The following BCL2L13 variants were observed in gnomAD, a reference collection of about 807,000 sequenced individuals.
BCL2L13 encodes the protein bcl-2-like protein 13.
BCL2L13 carries 13 observed loss-of-function variants against 25.8 expected under a neutral mutation model. The ratio of observed to expected loss-of-function variants is 0.50; its 90% CI spans 0.33 to 0.80. BCL2L13 has a LOEUF of 0.80. Among genes scored for constraint, BCL2L13 ranks in the 30% least tolerant of loss-of-function variants. The probability of loss-of-function intolerance (pLI) is 0.02; values close to 1 mark genes in which losing one functional copy is unlikely to be tolerated. For synonymous variants in BCL2L13, 244 were observed against 230.3 expected (o/e 1.06, Z -0.54); for missense variants, 504 against 574.9 (o/e 0.88, Z 1.26).
At chr22:17,690,626 G>A (rs1050006280) in intron 4 of BCL2L13, among the ~76,000 whole-genome samples, 5 of 152,108 alleles carry the variant, frequency 3.3e-5, no homozygotes, top group Non-Finnish European at 5.9e-5. Context: ...TAGCCAGTGT[G>A]ATGGCATGTT....
intron 5 of BCL2L13, among the ~76,000 whole-genome samples, chr22:17,700,058 A>G (rs1043364212): frequency 2.0e-5 from 3 of 152,134 alleles, no homozygotes; most frequent in African/African-American, 7.2e-5. Flanking sequence ...CATAGCATGT[A>G]CCACCAAGAA....
At chr22:17,665,625 G>A (rs55917257) in intron 2 of BCL2L13, among the ~76,000 whole-genome samples, 2,262 of 152,144 alleles carry the variant, frequency 0.015, 57 homozygotes, top group African/African-American at 0.05. Flanking sequence ...ATTTGGGTTG[G>A]GACACAGCCA....
intron 3 of BCL2L13, among the ~76,000 whole-genome samples, chr22:17,685,338 G>T (rs748601173): frequency 5.9e-5 from 9 of 152,084 alleles, no homozygotes; most frequent in Non-Finnish European, 1.2e-4. Context: ...CAATTCTCCA[G>T]CCTCAGCCTC....
At chr22:17,677,235 C>T (rs918671043) in intron 2 of BCL2L13, among the ~76,000 whole-genome samples, 8 of 152,246 alleles carry the variant, frequency 5.3e-5, no homozygotes, top group African/African-American at 1.4e-4. Flanking sequence ...TGTTTTATGT[C>T]GCTTAAAGCC....
intron 6 of BCL2L13, among the ~76,000 whole-genome samples, chr22:17,724,341 TA>T (rs369232412): frequency 1.8e-3 from 279 of 152,316 alleles, no homozygotes; most frequent in African/African-American, 6.5e-3. Flanking sequence ...AATTGAAGTC[TA>T]AAAGTTTAAG....
chr22:17,677,205 GTCTCA>G (rs754731300), intron 2 of BCL2L13, among the ~76,000 whole-genome samples: 8 of 152,120 alleles, frequency 5.3e-5, no homozygotes, highest in Non-Finnish European at 7.4e-5. Context: ...ATTTTGGTTA[GTCTCA>G]TCTCATAAGG....
chr22:17,709,536 A>G (rs530692992), intron 6 of BCL2L13, among the ~76,000 whole-genome samples: 2 of 152,266 alleles, frequency 1.3e-5, no homozygotes, highest in South Asian at 4.1e-4. Flanking sequence ...CGGAGGTTGC[A>G]GTGAACCAGG....
intron 2 of BCL2L13, among the ~76,000 whole-genome samples, chr22:17,669,107 A>G (rs2059336638): frequency 2.2e-5 from 3 of 134,648 alleles, no homozygotes; most frequent in Non-Finnish European, 3.0e-5. Context: ...ATCTCAGCTC[A>G]CTGCAAGCTC....
chr22:17,688,504 C>T (rs1274598330), intron 3 of BCL2L13, among the ~76,000 whole-genome samples: 1 of 152,102 alleles, frequency 6.6e-6, no homozygotes, highest in African/African-American at 2.4e-5. Context: ...CATTATTATA[C>T]TTGTTGGTCA....
chr22:17,673,115 G>A (rs2059464909), intron 2 of BCL2L13, among the ~76,000 whole-genome samples: 1 of 152,062 alleles, frequency 6.6e-6, no homozygotes, highest in Non-Finnish European at 1.5e-5. Flanking sequence ...TATTCTTTAT[G>A]TAATGAGGAT....
chr22:17,635,917 G>A (rs1249951328), upstream of BCL2L13, among the ~76,000 whole-genome samples: 1 of 151,624 alleles, frequency 6.6e-6, no homozygotes, highest in Non-Finnish European at 1.5e-5. Context: ...CACTGTGTTG[G>A]CCAGGATGGT....
Position 17,728,383 on chromosome 22 carries a change from C to T in BCL2L13, c.*849C>T, listed in dbSNP as rs957649458. On this transcript the variant is annotated 3_prime_UTR_variant, in exon 7 of 7. Transcript: ENST00000317582. ...GGGTCCCCACTTGTGAGTGCAACTG[C>T]AAGTAACTCTGGCTAGAGAGACACA... 2.6e-5 allele frequency: 4 copies of T among 152,236 alleles called. No homozygotes were observed. The highest frequency in any genetic ancestry group is 5.9e-5 in the Non-Finnish European group (4 of 68,060). 9.4% of individuals were successfully genotyped at this position (152,236 alleles called of 1,614,324 possible). A position where few individuals can be genotyped will look rare whatever the true frequency, so the allele number is the denominator to read the frequency against.
At chr22:17,629,814 T>TAC in intron 1 of BCL2L13, among the ~76,000 whole-genome samples, 1 of 118,138 alleles carries the variant, frequency 8.5e-6, no homozygotes, top group African/African-American at 4.3e-5. Context: ...ACACTTTATT[T>TAC]TCATACACAC....
rs1207528341 is a variant in BCL2L13, at chr22:17,728,158, G to A, written c.*624G>A. 2.6e-5 allele frequency: 4 copies of A among 155,266 alleles called. No individual in the cohort carries two copies. The highest frequency in any genetic ancestry group is 4.8e-5 in the African/African-American group (2 of 41,380). The allele number at this position is 155,266 out of a possible 1,614,324, so 9.6% of individuals were successfully genotyped here. ...CTCATCCTGGAGTGTGAGGGTGCTC[G>A]CCCGTACTCTCAGCTGCCTCTCAGG... On this transcript the variant is annotated 3_prime_UTR_variant, in exon 7 of 7. Transcript: ENST00000317582.
At chr22:17,629,510 C>G (rs865844572) in intron 1 of BCL2L13, among the ~76,000 whole-genome samples, 2 of 152,100 alleles carry the variant, frequency 1.3e-5, no homozygotes, top group Admixed American at 6.6e-5. Flanking sequence ...AGAAATCCCC[C>G]CAGGCTCATT....
At chr22:17,693,444 A>T (rs1039256223) in intron 4 of BCL2L13, among the ~76,000 whole-genome samples, 2 of 140,836 alleles carry the variant, frequency 1.4e-5, no homozygotes, top group Non-Finnish European at 3.0e-5. Context: ...CAGTGGTGCA[A>T]TCTCGGCTCA....
Position 17,711,304 on chromosome 22 carries a change from C to CT in BCL2L13, c.600+8929dup, listed in dbSNP as rs765639315. 6.0e-4 allele frequency among the ~76,000 whole-genome samples: 75 copies of CT among 125,354 alleles called. 1 individual carries two copies. The highest frequency in any genetic ancestry group is 8.8e-3 in the Middle Eastern group (2 of 228). The allele number at this position is 125,354 out of a possible 152,430, so 82.2% of individuals were successfully genotyped here. A position where few individuals can be genotyped will look rare whatever the true frequency, so the allele number is the denominator to read the frequency against. ...TTTCCCTTATTTCTTCATGATGGGC[C>CT]TTTTTTTTTTTGAGACAGGGTTTCA... is the stretch of plus-strand genomic sequence containing the variant. On this transcript the variant is annotated intron_variant, in intron 6 of 6. Transcript: ENST00000317582.
chr22:17,643,172 T>C (rs1318184044), intron 1 of BCL2L13, among the ~76,000 whole-genome samples: 1 of 152,198 alleles, frequency 6.6e-6, no homozygotes, highest in Non-Finnish European at 1.5e-5. Context: ...CTGTTTTAAT[T>C]GGAAAGGGGG....
Position 17,726,763 on chromosome 22 carries a change from C to A in BCL2L13, c.687C>A (p.Ser229Arg), listed in dbSNP as rs371469012. The change falls in exon 7 of 7, where the codon AGC becomes AGA. Residue 229 changes from serine to arginine, a missense_variant. Coordinates refer to ENST00000317582, the MANE Select transcript of BCL2L13 (RefSeq NM_015367.4). Reference protein sequence around the residue: ...EDSNDIYILPSDNSGQVSPPE... With the variant: ...EDSNDIYILPRDNSGQVSPPE... ...GCAATGACATTTACATCCTGCCCAG[C>A]GACAACTCTGGACAAGTCAGTCCCC... is the stretch of plus-strand genomic sequence containing the variant. 1.2e-6 allele frequency: 2 copies of A among 1,614,210 alleles called. No homozygotes were observed. The highest frequency in any genetic ancestry group is 1.1e-5 in the South Asian group (1 of 91,086).
Sources: allele counts gnomAD v4.1 joint callset (sites outside exome capture counted in the v4.1 genomes callset), GRCh38; gene constraint gnomAD v4.1.1; transcripts MANE v1.5; gene names NCBI Gene and HGNC (gene_info 2026-07-23, HGNC 2026-07-21).